Variants in RGS3 observed in about 807,000 individuals in gnomAD.
RGS3 encodes the protein regulator of G protein signaling 3.
In RGS3, 80 loss-of-function variants were observed where a neutral mutation model predicts 132.6. The ratio of observed to expected loss-of-function variants is 0.60; its 90% CI spans 0.50 to 0.73. RGS3 has a LOEUF of 0.73. Among genes scored for constraint, RGS3 ranks in the 30% least tolerant of loss-of-function variants. The probability of loss-of-function intolerance (pLI) is 0.00; values close to 1 mark genes in which losing one functional copy is unlikely to be tolerated. For synonymous variants in RGS3, 598 were observed against 620.6 expected, an observed-to-expected ratio of 0.96 and a Z score of 0.54; for missense variants, 1,382 against 1,530.8, an observed-to-expected ratio of 0.90 and a Z score of 1.62.
chr9:113,473,376 C>A (rs1288128048), intron 3 of RGS3, among the ~76,000 whole-genome samples: 1 of 152,080 alleles, frequency 6.6e-6, no homozygotes, highest in African/African-American at 2.4e-5. Context: ...TTTGGACAAC[C>A]TGTTTTAGCT....
intron 18 of RGS3, among the ~76,000 whole-genome samples, chr9:113,529,770 T>C (rs980611920): frequency 4.6e-5 from 7 of 152,216 alleles, no homozygotes; most frequent in African/African-American, 1.7e-4. Flanking sequence ...ACATCCAGTG[T>C]CTGGGTTTCA....
chr9:113,453,019 TATATATA>T (rs1186343130), intron 1 of RGS3, among the ~76,000 whole-genome samples: 144 of 132,354 alleles, frequency 1.1e-3, no homozygotes, highest in African/African-American at 3.3e-3. Context: ...TATTATATTT[TATATATA>T]ATATATAATA....
intron 17 of RGS3, among the ~76,000 whole-genome samples, chr9:113,526,313 G>A (rs1832205576): frequency 1.3e-5 from 2 of 152,184 alleles, no homozygotes; most frequent in South Asian, 2.1e-4. Context: ...CTCATTTTCT[G>A]AGCATGTCCT....
At chr9:113,518,181 A>G (rs1385801590) in intron 16 of RGS3, among the ~76,000 whole-genome samples, 2 of 152,174 alleles carry the variant, frequency 1.3e-5, no homozygotes, top group African/African-American at 4.8e-5. Context: ...TCATCTACAC[A>G]ACCCCAGAGC....
chr9:113,460,055 A>AG, upstream of RGS3, among the ~76,000 whole-genome samples: 1 of 151,714 alleles, frequency 6.6e-6, no homozygotes, highest in Admixed American at 6.6e-5. Context: ...AAAAAAAAAA[A>AG]ATCACCTGTA....
chr9:113,505,390 A>G, intron 10 of RGS3, 52 bp from the exon 9 acceptor site: 10 of 1,538,528 alleles, frequency 6.5e-6, no homozygotes, highest in Non-Finnish European at 9.0e-6. Flanking sequence ...ACCTTGGGGT[A>G]GAGGCAAGAG....
exon 20 of RGS3, chr9:113,584,304 C>T (rs769815420): frequency 6.2e-7 from 1 of 1,607,596 alleles, no homozygotes; most frequent in South Asian, 1.1e-5. Flanking sequence ...CCTTGCACTG[C>T]TCAGACGGTG....
chr9:113,492,061 C>CT (rs1279227415), intron 7 of RGS3, among the ~76,000 whole-genome samples: 2 of 152,134 alleles, frequency 1.3e-5, no homozygotes, highest in African/African-American at 4.8e-5. Flanking sequence ...ATGGAAAAAT[C>CT]TAAGTTCAAT....
intron 19 of RGS3, among the ~76,000 whole-genome samples, chr9:113,551,744 A>G (rs1833350336): frequency 6.6e-6 from 1 of 152,198 alleles, no homozygotes; most frequent in African/African-American, 2.4e-5. Flanking sequence ...TTGTAGTACC[A>G]GTTACTCAGG....
At chr9:113,577,922 A>G (rs185552368) in intron 19 of RGS3, among the ~76,000 whole-genome samples, 1 of 152,372 alleles carries the variant, frequency 6.6e-6, no homozygotes, top group East Asian at 1.9e-4. Context: ...CCACAAGGAC[A>G]AGGATCATGT....
intron 7 of RGS3, among the ~76,000 whole-genome samples, chr9:113,488,918 G>A (rs1306939592): frequency 1.3e-5 from 2 of 152,200 alleles, no homozygotes; most frequent in African/African-American, 4.8e-5. Flanking sequence ...AGGAAACTTC[G>A]GCTCTGCTGA....
At chr9:113,540,946 C>T (rs1273011588) in intron 19 of RGS3, among the ~76,000 whole-genome samples, 3 of 152,204 alleles carry the variant, frequency 2.0e-5, no homozygotes, top group East Asian at 3.8e-4. Flanking sequence ...TAGCCGCTAT[C>T]GTTCTCACTG....
chr9:113,512,397 C>T (rs983497475), intron 14 of RGS3, among the ~76,000 whole-genome samples: 7 of 152,146 alleles, frequency 4.6e-5, no homozygotes, highest in East Asian at 1.9e-4. Flanking sequence ...CTCCTCTCTC[C>T]GTGACTCACA....
At chr9:113,490,470 T>C (rs1480176890) in intron 7 of RGS3, among the ~76,000 whole-genome samples, 1 of 151,808 alleles carries the variant, frequency 6.6e-6, no homozygotes. Context: ...TGCCATTGAA[T>C]ATGGAACTCA....
intron 3 of RGS3, among the ~76,000 whole-genome samples, chr9:113,472,915 C>T (rs911428842): frequency 3.9e-5 from 6 of 152,034 alleles, no homozygotes; most frequent in Non-Finnish European, 7.4e-5. Context: ...GTGGTGCATG[C>T]CTGTAATCCC....
chr9:113,489,929 G>A (rs1235924642), intron 7 of RGS3, among the ~76,000 whole-genome samples: 1 of 152,176 alleles, frequency 6.6e-6, no homozygotes, highest in Non-Finnish European at 1.5e-5. Context: ...TAATTCTCAC[G>A]ATCCTTCCAG....
At position 113,510,386 on chromosome 9, in the gene RGS3, G is replaced by A. The variant is rs184685674; in HGVS notation, c.1477+1806G>A. ...TAAGTAGGGACTTCATTAGGGTCAA[G>A]GCCTGGGCCTGGCTTATTTCTGTAG... On this transcript the variant is annotated intron_variant, in intron 14 of 24. Transcript: ENST00000350696. Among the ~76,000 whole-genome samples, 343 of 152,366 alleles carry A rather than the reference G, an allele frequency of 2.3e-3. 1 individual carries two copies. Among genetic ancestry groups the A allele is most frequent in the Admixed American group, 3.9e-3 (60 of 15,308 alleles).
Position 113,463,779 on chromosome 9 carries a change from C to G in RGS3, c.415+1578C>G, listed in dbSNP as rs772205009. On this transcript the variant is annotated intron_variant, in intron 3 of 24. Coordinates refer to ENST00000350696, the Ensembl canonical transcript of RGS3. This position sits in a 1 kb window ranked among gnomAD's most constrained non-coding sequence, Gnocchi z 4.6. Reference sequence around the variant, plus strand: ...CAGCCGCCTCGGGTTGCAGACGCTCCTGTCCGGGTCGCAGTGGGACGCCAT... The same window carrying G: ...CAGCCGCCTCGGGTTGCAGACGCTCGTGTCCGGGTCGCAGTGGGACGCCAT... 1.3e-6 allele frequency: 2 copies of G among 1,599,224 alleles called. No individual in the cohort carries two copies. Among genetic ancestry groups the G allele is most frequent in the South Asian group, 2.2e-5 (2 of 88,952 alleles).
At chr9:113,570,899 G>C (rs1834258406) in intron 19 of RGS3, among the ~76,000 whole-genome samples, 1 of 152,180 alleles carries the variant, frequency 6.6e-6, no homozygotes, top group African/African-American at 2.4e-5. Flanking sequence ...GCCTCCCAAA[G>C]TGCTGGGATT....
Sources: gnomAD v4.1 joint callset for allele counts (sites outside exome capture counted in the v4.1 genomes callset) on GRCh38, gnomAD v4.1.1 for gene constraint, Gnocchi (gnomAD v3.1) non-coding constraint, MANE v1.5 for transcripts, NCBI Gene and HGNC (gene_info 2026-07-23, HGNC 2026-07-21) for gene names.